The following TSC22D2 variants were observed in gnomAD, a reference collection of about 807,000 sequenced individuals.
The protein encoded by TSC22D2 is TSC22 domain family member 2.
TSC22D2 carries 5 observed loss-of-function variants against 50.1 expected under a neutral mutation model. That is an observed-to-expected ratio of 0.10 (90% CI 0.05 to 0.21). The LOEUF (loss-of-function observed/expected upper bound fraction) is 0.21. TSC22D2 is among the 10% of genes least tolerant of loss of function. The pLI, the probability that TSC22D2 is intolerant of heterozygous loss-of-function variation, is 1.00. For synonymous variants in TSC22D2, 501 were observed against 450.1 expected (o/e 1.11, Z -1.43); for missense variants, 1,003 against 1,015.5 (o/e 0.99, Z 0.17).
At position 150,410,421 on chromosome 3, in the gene TSC22D2, C is replaced by T; in HGVS notation, c.1071C>T (p.Phe357=). 1 of 1,608,992 alleles carries T rather than the reference C, an allele frequency of 6.2e-7. No individual in the cohort carries two copies. Among genetic ancestry groups the T allele is most frequent in the Admixed American group, 1.7e-5 (1 of 59,832 alleles). ...CCGCGGCGCAGCAGCCCCAGCAGTT[C>T]GCGTATCCTCAGCCTCAGATACCGC... The part of the protein sequence containing the change: ...GAPAAQQPQQ[F]AYPQPQIPPG... Residue 357 remains phenylalanine, a synonymous_variant, in exon 1 of 3, where the codon TTC becomes TTT. Coordinates refer to ENST00000688009, the MANE Select transcript of TSC22D2 (RefSeq NM_001303264.2).
intron 1 of TSC22D2, among the ~76,000 whole-genome samples, chr3:150,451,906 G>T (rs1721052055): frequency 6.6e-6 from 1 of 151,936 alleles, no homozygotes; most frequent in African/African-American, 2.4e-5. Context: ...GACAGATCTG[G>T]CTCTGTCACC....
intron 2 of TSC22D2, 115 bp from the exon 3 acceptor site, chr3:150,458,261 T>C (rs1721257706): frequency 4.4e-6 from 5 of 1,133,500 alleles, no homozygotes; most frequent in Non-Finnish European, 6.2e-6. Context: ...AGCAGAAACA[T>C]TAAAAGCAAG....
intron 1 of TSC22D2, among the ~76,000 whole-genome samples, chr3:150,446,388 G>A (rs1221732382): frequency 1.3e-5 from 2 of 152,132 alleles, no homozygotes; most frequent in East Asian, 3.9e-4. Flanking sequence ...GGTGGCACAC[G>A]CCTATAATCC....
At chr3:150,439,660 G>C (rs1720653065) in intron 1 of TSC22D2, among the ~76,000 whole-genome samples, 1 of 151,826 alleles carries the variant, frequency 6.6e-6, no homozygotes, top group Admixed American at 6.6e-5. Context: ...GAAAGGTTCA[G>C]AGCATTTGTC....
chr3:150,439,613 G>A (rs967464523), intron 1 of TSC22D2, among the ~76,000 whole-genome samples: 29 of 152,152 alleles, frequency 1.9e-4, no homozygotes, highest in Admixed American at 1.6e-3. Flanking sequence ...AACCATGTGA[G>A]ATTTTGGGTA....
At position 150,437,057 on chromosome 3, in the gene TSC22D2, C is replaced by G. The variant is rs527317779; in HGVS notation, c.1959-20019C>G. Reference sequence around the variant, plus strand: ...GTTTTATTTAGGGGATTAATTTAGGCAAAACTATGCCCACAAATCTATGGG... The same window carrying G: ...GTTTTATTTAGGGGATTAATTTAGGGAAAACTATGCCCACAAATCTATGGG... On this transcript the variant is annotated intron_variant, in intron 1 of 2. Coordinates refer to ENST00000688009, the MANE Select transcript of TSC22D2 (RefSeq NM_001303264.2). Among the ~76,000 whole-genome samples the G allele has an allele frequency of 6.9e-4, 105 of 152,168 alleles. No homozygotes were observed. In the Middle Eastern group the frequency reaches 0.017, roughly 25 times the overall value.
chr3:150,427,832 TTTTA>T (rs1445989817), intron 1 of TSC22D2, among the ~76,000 whole-genome samples: 2 of 151,984 alleles, frequency 1.3e-5, no homozygotes, highest in African/African-American at 2.4e-5. Flanking sequence ...CCTTCCTTCC[TTTTA>T]TTTTACTTTT....
At chr3:150,445,628 A>G (rs1164279488) in intron 1 of TSC22D2, among the ~76,000 whole-genome samples, 1 of 152,178 alleles carries the variant, frequency 6.6e-6, no homozygotes, top group Non-Finnish European at 1.5e-5. Context: ...TCAAAGTCCA[A>G]ATTGATCCAA....
At chr3:150,437,187 A>G (rs1056504565) in intron 1 of TSC22D2, among the ~76,000 whole-genome samples, 7 of 152,166 alleles carry the variant, frequency 4.6e-5, no homozygotes, top group Non-Finnish European at 8.8e-5. Flanking sequence ...TAGATGCCCA[A>G]TTGAAAGCTT....
chr3:150,411,360 T>G (rs930031810), intron 1 of TSC22D2, 52 bp downstream of exon 1: 1 of 1,506,150 alleles, frequency 6.6e-7, no homozygotes, highest in African/African-American at 1.5e-5. Flanking sequence ...GCCAACATTG[T>G]AGCTTAGGAT....
At position 150,460,535 on chromosome 3, in the gene TSC22D2, AGTT is replaced by A. The variant is rs1721363876; in HGVS notation, c.*1902_*1904del. On this transcript the variant is annotated 3_prime_UTR_variant, in exon 3 of 3. Coordinates refer to ENST00000688009, the MANE Select transcript of TSC22D2 (RefSeq NM_001303264.2). ...GAGATTGCCAAATATTTTCTATTCT[AGTT>A]GTGCTGCAAGACATTGAACAAAATG... 1.3e-5 allele frequency: 2 copies of A among 152,226 alleles called. No individual in the cohort carries two copies. The highest frequency in any genetic ancestry group is 1.3e-4 in the Admixed American group (2 of 15,274). 9.4% of individuals were successfully genotyped at this position (152,226 alleles called of 1,614,324 possible).
chr3:150,423,154 A>C, intron 1 of TSC22D2: 1 of 1,456,624 alleles, frequency 6.9e-7, no homozygotes, highest in Non-Finnish European at 9.6e-7. Flanking sequence ...GCATACATGC[A>C]AAACTGTATG....
At chr3:150,453,859 G>C (rs1431702564) in intron 1 of TSC22D2, among the ~76,000 whole-genome samples, 7 of 152,158 alleles carry the variant, frequency 4.6e-5, no homozygotes, top group Non-Finnish European at 2.9e-5. Flanking sequence ...TTCTCAAAGA[G>C]CTCAATCTAA....
At chr3:150,416,284 A>G (rs528846180) in intron 1 of TSC22D2, among the ~76,000 whole-genome samples, 3 of 152,172 alleles carry the variant, frequency 2.0e-5, no homozygotes, top group Non-Finnish European at 2.9e-5. Flanking sequence ...ATTACTCGTT[A>G]AATACTTAAA....
rs1440450897 is a variant in TSC22D2 at position 150,461,288 on chromosome 3, T to G, written c.*2652T>G. The G allele has an allele frequency of 6.6e-6, 1 of 152,172 alleles. No individual in the cohort carries two copies. Among genetic ancestry groups the G allele is most frequent in the Non-Finnish European group, 1.5e-5 (1 of 68,040 alleles). 9.4% of individuals were successfully genotyped at this position (152,172 alleles called of 1,614,324 possible). ...TCCAAACTATCCCTACTGTCAACCC[T>G]TCCCCCAGCTGATTGTTTAGGATCT... On this transcript the variant is annotated 3_prime_UTR_variant, in exon 3 of 3. Coordinates refer to ENST00000688009, the MANE Select transcript of TSC22D2 (RefSeq NM_001303264.2).
chr3:150,448,776 A>G (rs201211844), intron 1 of TSC22D2, among the ~76,000 whole-genome samples: 1 of 151,920 alleles, frequency 6.6e-6, no homozygotes, highest in African/African-American at 2.4e-5. Context: ...TAATTTTATC[A>G]GAATTTTACT....
chr3:150,426,147 A>G (rs982776237), intron 1 of TSC22D2, among the ~76,000 whole-genome samples: 3 of 152,198 alleles, frequency 2.0e-5, no homozygotes, highest in East Asian at 1.9e-4. Context: ...CTGATAACGC[A>G]AAAATAATCC....
rs1185698365 is a variant in TSC22D2 at position 150,410,160 on chromosome 3, C to T, written c.810C>T (p.Ser270=). ...CTCCGGCCCAGCCGCAGAGTTTTAGCGTTGGGCAGCCACAGCCGCCGCCGC... is the reference window on the plus strand; with the variant it reads ...CTCCGGCCCAGCCGCAGAGTTTTAGTGTTGGGCAGCCACAGCCGCCGCCGC... ...QPTPAQPQSF[S]VGQPQPPPPP... Residue 270 remains serine (S), a synonymous_variant, in exon 1 of 3, where the codon AGC becomes AGT. Transcript: ENST00000688009. The T allele has an allele frequency of 5.0e-6, 8 of 1,610,406 alleles. No individual in the cohort carries two copies. The highest frequency in any genetic ancestry group is 2.2e-5 in the East Asian group (1 of 44,820).
chr3:150,432,592 A>T (rs1159156127), intron 1 of TSC22D2, among the ~76,000 whole-genome samples: 1 of 151,908 alleles, frequency 6.6e-6, no homozygotes, highest in Non-Finnish European at 1.5e-5. Flanking sequence ...TTTTAAAAAA[A>T]AAAAATAATA....
Sources: gnomAD v4.1 joint callset for allele counts (sites outside exome capture counted in the v4.1 genomes callset) on GRCh38, gnomAD v4.1.1 for gene constraint, MANE v1.5 for transcripts, NCBI Gene and HGNC (gene_info 2026-07-23, HGNC 2026-07-21) for gene names.